The following SETD1A variants were observed in gnomAD, a reference collection of about 807,000 sequenced individuals.
SETD1A encodes histone-lysine N-methyltransferase SETD1A.
In SETD1A, 29 loss-of-function variants were observed where a neutral mutation model predicts 149.9. The ratio of observed to expected loss-of-function variants is 0.19; its 90% CI spans 0.14 to 0.26. The LOEUF (loss-of-function observed/expected upper bound fraction) is 0.26. Ranked by LOEUF, SETD1A falls within the 10% of genes least tolerant of loss-of-function variation. The pLI, the probability that SETD1A is intolerant of heterozygous loss-of-function variation, is 1.00. For synonymous variants in SETD1A, 1,141 were observed against 968.5 expected (o/e 1.18, Z -3.31); for missense variants, 2,109 against 2,353.1 (o/e 0.90, Z 2.15).
chr16:30,959,233 G>A (rs771407553), intron 3 of SETD1A, 47 bp downstream of exon 3: 1 of 1,219,660 alleles, frequency 8.2e-7, no homozygotes, highest in Non-Finnish European at 1.2e-6. Context: ...AGAGGGTGTG[G>A]AGGATGCGTC....
At chr16:30,963,648 C>G (rs2056086740) in intron 5 of SETD1A, 94 bp downstream of exon 5, 1 of 1,365,700 alleles carries the variant, frequency 7.3e-7, no homozygotes, top group Non-Finnish European at 9.8e-7. Flanking sequence ...TCCGGGCTTT[C>G]CCGTTAAACA....
rs772707502 is a variant in SETD1A at position 30,958,866 on chromosome 16, C to A, written c.135C>A (p.Val45=). 2.5e-6 allele frequency: 4 copies of A among 1,614,184 alleles called. No homozygotes were observed. In the East Asian group the frequency reaches 8.9e-5, roughly 36 times the overall value. ...PSQKVYRYDG[V]HFSVNDSKYI... ...AGAAGGTGTACCGCTATGATGGAGT[C>A]CACTTCAGTGTCAACGTGAGTGCCC... The change falls in exon 2 of 19, where the codon GTC becomes GTA. Residue 45 remains valine, a synonymous_variant. Transcript: ENST00000262519.
In SETD1A at chr16:30,980,589, AAGG is replaced by A; in HGVS notation, c.4516_4518del (p.Glu1506del). ...CGAAGGCTACTACCCCATCAGCAAG[AAGG>A]AGAAGGACAAGTACCTGGACGTGTG... On this transcript the variant is annotated inframe_deletion, in exon 15 of 19. Coordinates refer to ENST00000262519, the MANE Select transcript of SETD1A (RefSeq NM_014712.3). This position sits in a 1 kb window ranked among gnomAD's most constrained non-coding sequence, Gnocchi z 7.7. 1 of 1,614,082 alleles carries A rather than the reference AAGG, an allele frequency of 6.2e-7. No homozygotes were observed. The highest frequency in any genetic ancestry group is 8.5e-7 in the Non-Finnish European group (1 of 1,180,028).
chr16:30,958,696 G>T (rs1283390046), intron 1 of SETD1A, 21 bp from the exon 2 acceptor site: 1 of 1,610,216 alleles, frequency 6.2e-7, no homozygotes, highest in South Asian at 1.1e-5. Context: ...TCCTTCTTGC[G>T]TGTCCCTCTT....
chr16:30,970,757 C>T (rs902829156), intron 12 of SETD1A, among the ~76,000 whole-genome samples: 3 of 152,190 alleles, frequency 2.0e-5, no homozygotes, highest in East Asian at 1.9e-4. Flanking sequence ...CACCATGGGC[C>T]GTTTATCTCC....
intron 12 of SETD1A, among the ~76,000 whole-genome samples, chr16:30,970,092 G>A (rs997099366): frequency 1.4e-5 from 2 of 146,928 alleles, no homozygotes; most frequent in Non-Finnish European, 1.5e-5. Flanking sequence ...CTCAGCCTCC[G>A]TTGTAGCTGG....
intron 12 of SETD1A, 112 bp downstream of exon 12, chr16:30,969,801 G>A: frequency 1.2e-6 from 1 of 846,438 alleles, no homozygotes; most frequent in South Asian, 1.4e-5. Context: ...GGTCACCTTT[G>A]CCTTCTGCAA....
chr16:30,979,390 G>T lies in SETD1A; in HGVS notation c.3604G>T (p.Gly1202Cys). Residue 1202 changes from glycine (G) to cysteine (C), a missense_variant, in exon 14 of 19, where the codon GGC (glycine) becomes TGC (cysteine). Physicochemically the swap from Gly to Cys is radical, Grantham distance 159 (BLOSUM62 -3). Transcript: ENST00000262519. ...PGPASRKAPRGVERTIRNLPL... is the reference protein window; with the variant it reads ...PGPASRKAPRCVERTIRNLPL... ...CCCAGCCTCCCGCAAGGCTCCCCGG[G>T]GCGTGGAGCGGACCATCCGCAACCT... The T allele has an allele frequency of 1.9e-6, 3 of 1,612,090 alleles. No individual in the cohort carries two copies. Among genetic ancestry groups the T allele is most frequent in the South Asian group, 2.2e-5 (2 of 90,896 alleles).
At chr16:30,962,656 A>C (rs2056070548) in intron 4 of SETD1A, among the ~76,000 whole-genome samples, 1 of 152,226 alleles carries the variant, frequency 6.6e-6, no homozygotes, top group African/African-American at 2.4e-5. Context: ...TTGTAAAAGA[A>C]AGCCAGGGCC....
At position 30,980,620 on chromosome 16, in the gene SETD1A, C is replaced by G. The variant is rs762021837; in HGVS notation, c.4544C>G (p.Pro1515Arg). ...AAGGACAAGTACCTGGACGTGTGCC[C>G]AGTCTCGGCCCGGCAGCTGGAGGGC... ...KEKDKYLDVC[P>R]VSARQLEGVD... Residue 1515 changes from proline (P) to arginine (R), a missense_variant, in exon 15 of 19, where the codon CCA becomes CGA. Around this residue, in one of 8 missense-constraint regions of SETD1A, gnomAD observed 254 missense variants for 409.3 expected, o/e 0.62. Transcript: ENST00000262519. This position sits in a 1 kb window ranked among gnomAD's most constrained non-coding sequence, Gnocchi z 7.7. The G allele has an allele frequency of 3.7e-6, 6 of 1,613,778 alleles. No homozygotes were observed. In the East Asian group the frequency reaches 1.3e-4, roughly 36 times the overall value.
In SETD1A at chr16:30,979,253, C is replaced by G. The variant is rs761759509; in HGVS notation, c.3467C>G (p.Pro1156Arg). The change falls in exon 14 of 19, where the codon CCC becomes CGC. Residue 1156 changes from proline to arginine, a missense_variant. Pro to Arg is a moderately radical substitution (Grantham distance 103). Around this residue, in one of 8 missense-constraint regions of SETD1A, gnomAD observed 832 missense variants for 815.6 expected, o/e 1.02. Transcript: ENST00000262519. ...GATGAGCGTCCCTCTTCTCCCATCC[C>G]CCTCCTGCCCCCACCCAAGAAACGC... ...RPDERPSSPI[P>R]LLPPPKKRRK... 1 of 1,610,666 alleles carries G rather than the reference C, an allele frequency of 6.2e-7. No individual in the cohort carries two copies. The highest frequency in any genetic ancestry group is 1.1e-5 in the South Asian group (1 of 90,810).
rs1230067879 is a variant in SETD1A at position 30,965,987 on chromosome 16, C to A, written c.2106C>A (p.Ala702=). ...GGCAGGGCAAGGGATTGATTGCCGC[C>A]TCAGCTGGCCCCCCCGGTGGGGCCT... ...QLRQGKGLIA[A]SAGPPGGAFG... Residue 702 remains alanine (A), a synonymous_variant, in exon 8 of 19, where the codon GCC becomes GCA. Coordinates refer to ENST00000262519, the MANE Select transcript of SETD1A (RefSeq NM_014712.3). 1 of 1,582,712 alleles carries A rather than the reference C, an allele frequency of 6.3e-7. No homozygotes were observed.
At position 30,983,439 on chromosome 16, in the gene SETD1A, A is replaced by C. The variant is rs1284476931; in HGVS notation, c.4813-196A>C. On this transcript the variant is annotated intron_variant, in intron 17 of 18. Transcript: ENST00000262519. The surrounding 1 kb of genome is among the most constrained non-coding windows in gnomAD (Gnocchi z 6.8). ...GCGGGTGACTTAGAATGGCCACCAG[A>C]GGCTTAGGATGCTGCCCCAAAGAGG... Among the ~76,000 whole-genome samples the C allele has an allele frequency of 1.3e-5, 2 of 152,124 alleles. No homozygotes were observed. Among genetic ancestry groups the C allele is most frequent in the East Asian group, 3.9e-4 (2 of 5,180 alleles).
At position 30,964,187 on chromosome 16, in the gene SETD1A, C is replaced by G; in HGVS notation, c.733C>G (p.Gln245Glu). 1 of 1,614,142 alleles carries G rather than the reference C, an allele frequency of 6.2e-7. No homozygotes were observed. The highest frequency in any genetic ancestry group is 8.5e-7 in the Non-Finnish European group (1 of 1,180,006). ...TCCTGGCAACGGCACCCCCTGCTCC[C>G]AGGACACAAGCTTCTCCAGCAGCCG... is the stretch of plus-strand genomic sequence containing the variant. ...GTPGNGTPCS[Q>E]DTSFSSSRQD... is the part of the protein sequence containing the mutation. Residue 245 changes from glutamine to glutamate, a missense_variant, in exon 6 of 19, where the codon CAG (glutamine) becomes GAG (glutamate). Physicochemically the swap from Gln to Glu is conservative, Grantham distance 29. Coordinates refer to ENST00000262519, the MANE Select transcript of SETD1A (RefSeq NM_014712.3).
rs764790942 is a variant in SETD1A, at chr16:30,958,700, C to G, written c.-15-17C>G. 6.2e-7 allele frequency: 1 copy of G among 1,611,262 alleles called. No individual in the cohort carries two copies. The highest frequency in any genetic ancestry group is 8.5e-7 in the Non-Finnish European group (1 of 1,177,946). Reference sequence around the variant, plus strand: ...CCAAGTCCTGATCCTTCTTGCGTGTCCCTCTTCCCCTAACAGTGTAAATGA... The same window carrying G: ...CCAAGTCCTGATCCTTCTTGCGTGTGCCTCTTCCCCTAACAGTGTAAATGA... On this transcript the variant is annotated splice_polypyrimidine_tract_variant and intron_variant, in intron 1 of 18. Transcript: ENST00000262519.
At chr16:30,979,005 T>C in intron 13 of SETD1A, 140 bp from the exon 14 acceptor site, 1 of 811,458 alleles carries the variant, frequency 1.2e-6, no homozygotes, top group Non-Finnish European at 1.9e-6. Context: ...GATGTGGGGC[T>C]GAGGCCAGGG....
chr16:30,978,263 A>AC (rs1420247305), intron 13 of SETD1A, among the ~76,000 whole-genome samples: 6 of 110,564 alleles, frequency 5.4e-5, no homozygotes, highest in African/African-American at 8.4e-5. Context: ...ACAGGGCGAG[A>AC]CCCCATCTCA....
intron 4 of SETD1A, among the ~76,000 whole-genome samples, 163 bp from the exon 5 acceptor site, chr16:30,963,270 G>A (rs1394682203): frequency 6.6e-6 from 1 of 152,192 alleles, no homozygotes; most frequent in African/African-American, 2.4e-5. Flanking sequence ...GTAGAGATAA[G>A]GTAGAAGGTC....
Position 30,965,729 on chromosome 16 carries a change from C to T in SETD1A, c.1848C>T (p.Pro616=), listed in dbSNP as rs534756802. Reference sequence around the variant, plus strand: ...CCCCTCCCCCGCCGCCTCCTCCTCCCTACCTGGCGTCCCTTCCTCTTGGTT... The same window carrying T: ...CCCCTCCCCCGCCGCCTCCTCCTCCTTACCTGGCGTCCCTTCCTCTTGGTT... The part of the protein sequence containing the change: ...PPPPPPPPPP[P]YLASLPLGYP... Residue 616 remains proline (P), a synonymous_variant, in exon 8 of 19, where the codon CCC becomes CCT. Coordinates refer to ENST00000262519, the MANE Select transcript of SETD1A (RefSeq NM_014712.3). 41 of 1,588,024 alleles carry T rather than the reference C, an allele frequency of 2.6e-5. No individual in the cohort carries two copies. In the East Asian group the frequency reaches 8.9e-4, roughly 34 times the overall value.
Sources: gnomAD v4.1 joint callset for allele counts (sites outside exome capture counted in the v4.1 genomes callset) on GRCh38, gnomAD v4.1.1 for gene constraint, gnomAD v4.1.1 regional missense constraint, Gnocchi (gnomAD v3.1) non-coding constraint, MANE v1.5 for transcripts, NCBI Gene and HGNC (gene_info 2026-07-23, HGNC 2026-07-21) for gene names.